MGST2: variants seen among roughly 807,000 people sequenced by gnomAD.
MGST2 encodes glutathione peroxidase MGST2.
In MGST2, 9 loss-of-function variants were observed where a neutral mutation model predicts 16.6. That is an observed-to-expected ratio of 0.54 (90% CI 0.33 to 0.95). MGST2 has a LOEUF of 0.95. Ranked by LOEUF, MGST2 falls within the 40% of genes least tolerant of loss-of-function variation. The probability of loss-of-function intolerance (pLI) is 0.03; values close to 1 mark genes in which losing one functional copy is unlikely to be tolerated. For missense variants in MGST2, 159 were observed against 175.1 expected (o/e 0.91, Z 0.52); for synonymous variants, 79 against 68.0 (o/e 1.16, Z -0.79).
chr4:139,691,962 A>G (rs1312630463), intron 2 of MGST2, among the ~76,000 whole-genome samples: 4 of 152,140 alleles, frequency 2.6e-5, no homozygotes, highest in Non-Finnish European at 5.9e-5. Flanking sequence ...GGCCTCCCAA[A>G]GTGCTGGGAT....
At chr4:139,669,582 G>C (rs1305863566) in intron 1 of MGST2, among the ~76,000 whole-genome samples, 3 of 152,162 alleles carry the variant, frequency 2.0e-5, no homozygotes, top group African/African-American at 2.4e-5. Flanking sequence ...GTCCTTCTTC[G>C]AAGAGAGAAG....
downstream of MGST2, among the ~76,000 whole-genome samples, chr4:139,705,177 C>A (rs989582329): frequency 2.0e-5 from 3 of 152,092 alleles, no homozygotes. Flanking sequence ...CCACTCTGCC[C>A]GGGCAACAAA....
chr4:139,694,016 T>C (rs1726770963), intron 2 of MGST2, among the ~76,000 whole-genome samples: 1 of 152,112 alleles, frequency 6.6e-6, no homozygotes, highest in Admixed American at 6.6e-5. Context: ...TAATGATGCA[T>C]GTTTCTTACC....
At chr4:139,710,313 G>A (rs1727687323) in intron 5 of MGST2, among the ~76,000 whole-genome samples, 1 of 152,190 alleles carries the variant, frequency 6.6e-6, no homozygotes, top group Non-Finnish European at 1.5e-5. Context: ...CTAGAAAAAT[G>A]TTTATTCTCT....
rs1241287676 is a variant in MGST2 at position 139,712,003 on chromosome 4, G to T, written c.*48+7807G>T. Reference sequence around the variant, plus strand: ...TCATGACTCTTGAGTTTTGACAAGAGGTGATATCTGGAAGATTAATAAGTG... The same window carrying T: ...TCATGACTCTTGAGTTTTGACAAGATGTGATATCTGGAAGATTAATAAGTG... On this transcript the variant is annotated intron_variant, in intron 5 of 5. Coordinates refer to the MGST2 transcript ENST00000616265. Among the ~76,000 whole-genome samples the T allele has an allele frequency of 3.3e-5, 5 of 152,274 alleles. No individual in the cohort carries two copies. In the East Asian group the frequency reaches 7.7e-4, roughly 24 times the overall value.
Position 139,666,052 on chromosome 4 carries a change from C to G in MGST2, c.33C>G (p.Val11=), listed in dbSNP as rs1484968575. 1 of 1,614,040 alleles carries G rather than the reference C, an allele frequency of 6.2e-7. No homozygotes were observed. Among genetic ancestry groups the G allele is most frequent in the Admixed American group, 1.7e-5 (1 of 60,002 alleles). The change falls in exon 1 of 5, where the codon GTC becomes GTG. Residue 11 remains valine, a synonymous_variant. Transcript: ENST00000265498. The stretch of plus-strand genomic sequence containing the variant: ...GGAACTCGATCCTGCTGGCTGCTGT[C>G]TCTATTCTCTCGGCCTGTCAGCAAA... The part of the protein sequence containing the change: MAGNSILLAA[V]SILSACQQSY...
In MGST2 at chr4:139,738,825, A is replaced by G. The variant is rs150446313; in HGVS notation, c.*49-1387A>G. ...ACTGTTAATATTTTGATGTGTTTTTATATTTCCTCCTAGTTTTATCCCAGA... is the reference window on the plus strand; with the variant it reads ...ACTGTTAATATTTTGATGTGTTTTTGTATTTCCTCCTAGTTTTATCCCAGA... On this transcript the variant is annotated intron_variant, in intron 5 of 5. Coordinates refer to the MGST2 transcript ENST00000616265. Among the ~76,000 whole-genome samples the G allele has an allele frequency of 3.1e-4, 47 of 152,344 alleles. No homozygotes were observed. In the East Asian group the frequency reaches 7.9e-3, roughly 26 times the overall value.
At chr4:139,708,495 G>A (rs1257329435), downstream of MGST2, among the ~76,000 whole-genome samples, 2 of 152,148 alleles carry the variant, frequency 1.3e-5, no homozygotes, top group Admixed American at 6.5e-5. Flanking sequence ...GTCAGGTATC[G>A]TGATGCCTCC....
intron 5 of MGST2, among the ~76,000 whole-genome samples, chr4:139,723,707 T>C (rs988606092): frequency 3.3e-5 from 5 of 152,138 alleles, no homozygotes; most frequent in African/African-American, 9.7e-5. Flanking sequence ...ATTCCCCTTT[T>C]CCCCCACAAA....
chr4:139,752,269 T>C, the MGST2 span, among the ~76,000 whole-genome samples: 1 of 152,256 alleles, frequency 6.6e-6, no homozygotes, highest in African/African-American at 2.4e-5. Flanking sequence ...AGTTGTAAGA[T>C]GTATCCTGAT....
chr4:139,681,393 G>A (rs745411743), intron 2 of MGST2, among the ~76,000 whole-genome samples: 3 of 151,780 alleles, frequency 2.0e-5, no homozygotes, highest in Admixed American at 2.0e-4. Context: ...TTCTTAAAAC[G>A]CATACTAGTT....
chr4:139,703,655 A>G, intron 4 of MGST2, 119 bp downstream of exon 4: 1 of 940,878 alleles, frequency 1.1e-6, no homozygotes, highest in African/African-American at 1.6e-5. Flanking sequence ...AAAGTAATCC[A>G]TACTGTCTGA....
At chr4:139,694,231 C>T (rs1726785818) in intron 2 of MGST2, among the ~76,000 whole-genome samples, 1 of 151,320 alleles carries the variant, frequency 6.6e-6, no homozygotes, top group Non-Finnish European at 1.5e-5. Context: ...TATGGTGACC[C>T]AGGCTAAAAG....
intron 1 of MGST2, among the ~76,000 whole-genome samples, chr4:139,672,983 G>C (rs72945070): frequency 5.0e-4 from 76 of 152,278 alleles, no homozygotes; most frequent in African/African-American, 1.8e-3. Context: ...GATCAATATT[G>C]ACTTCTTGTG....
chr4:139,707,552 A>G (rs1212471827), downstream of MGST2, among the ~76,000 whole-genome samples: 27 of 150,558 alleles, frequency 1.8e-4, no homozygotes, highest in Admixed American at 1.7e-3. Flanking sequence ...ATGATTTATA[A>G]TCCTTTGGGT....
intron 5 of MGST2, chr4:139,725,938 T>C (rs1728456567): frequency 1.1e-6 from 1 of 935,180 alleles, no homozygotes; most frequent in African/African-American, 1.6e-5. Context: ...TCCCCAAAAC[T>C]AAACTTTGTG....
At chr4:139,730,146 T>G in intron 5 of MGST2, 1 of 523,778 alleles carries the variant, frequency 1.9e-6, no homozygotes, top group Non-Finnish European at 3.4e-6. Context: ...AGGAAAGGAG[T>G]CAGACTTGAA....
Position 139,679,732 on chromosome 4 carries a change from C to T in MGST2, c.158+1090C>T, listed in dbSNP as rs539497230. Reference sequence around the variant, plus strand: ...CTTGAAAGCGTGGGGTGAATACCACCGGGAGTACACGAGATAATTGTAAGA... The same window carrying T: ...CTTGAAAGCGTGGGGTGAATACCACTGGGAGTACACGAGATAATTGTAAGA... On this transcript the variant is annotated intron_variant, in intron 2 of 4. Coordinates refer to ENST00000265498, the MANE Select transcript of MGST2 (RefSeq NM_002413.5). Among the ~76,000 whole-genome samples, 23 of 151,996 alleles carry T rather than the reference C, an allele frequency of 1.5e-4. 1 individual carries two copies. The highest frequency in any genetic ancestry group is 2.6e-4 in the Admixed American group (4 of 15,256).
At chr4:139,720,525 C>G (rs1579356496) in intron 5 of MGST2, among the ~76,000 whole-genome samples, 1 of 152,226 alleles carries the variant, frequency 6.6e-6, no homozygotes, top group African/African-American at 2.4e-5. Context: ...TTAAAAAATA[C>G]AGAGACAAAA....
Sources: gnomAD v4.1 joint callset for allele counts (sites outside exome capture counted in the v4.1 genomes callset) on GRCh38, gnomAD v4.1.1 for gene constraint, MANE v1.5 for transcripts, NCBI Gene and HGNC (gene_info 2026-07-23, HGNC 2026-07-21) for gene names.